Variants in VWA8 observed in about 807,000 individuals in gnomAD.
VWA8 encodes the protein von Willebrand factor A domain containing 8.
In VWA8, 221 loss-of-function variants were observed where a neutral mutation model predicts 241.5. That is an observed-to-expected ratio of 0.91 (90% CI 0.82 to 1.02). VWA8 has a LOEUF of 1.02. Ranked by LOEUF, VWA8 falls within the 50% of genes least tolerant of loss-of-function variation. The pLI, the probability that VWA8 is intolerant of heterozygous loss-of-function variation, is 0.00. For synonymous variants in VWA8, 852 were observed against 827.1 expected (o/e 1.03, Z -0.52); for missense variants, 2,322 against 2,328.7 (o/e 1.00, Z 0.06).
At chr13:41,583,674 A>AGAATCTATAAG (rs1351235864) in intron 42 of VWA8, among the ~76,000 whole-genome samples, 2 of 151,594 alleles carry the variant, frequency 1.3e-5, no homozygotes, top group African/African-American at 2.4e-5. Flanking sequence ...AAACAAAAAA[A>AGAATCTATAAG]GAATCTATAA....
At chr13:41,619,818 G>A (rs2044645203) in intron 37 of VWA8, among the ~76,000 whole-genome samples, 1 of 152,158 alleles carries the variant, frequency 6.6e-6, no homozygotes, top group Non-Finnish European at 1.5e-5. Flanking sequence ...CAGGGATGAA[G>A]CCAACTTGAT....
chr13:41,761,580 T>C (rs1293165877), intron 20 of VWA8, among the ~76,000 whole-genome samples: 2 of 152,086 alleles, frequency 1.3e-5, no homozygotes, highest in East Asian at 1.9e-4. Flanking sequence ...TATAAAACAA[T>C]GGTTTTTCTA....
At chr13:41,951,633 T>C (rs371621938) in intron 1 of VWA8, among the ~76,000 whole-genome samples, 2 of 152,344 alleles carry the variant, frequency 1.3e-5, no homozygotes, top group Middle Eastern at 3.4e-3. Flanking sequence ...GAATTTCATT[T>C]GGAAAGGGCT....
chr13:41,867,936 A>G (rs1873389127), intron 10 of VWA8, among the ~76,000 whole-genome samples: 1 of 152,198 alleles, frequency 6.6e-6, no homozygotes, highest in Non-Finnish European at 1.5e-5. Flanking sequence ...TCTATGACCA[A>G]ATATTATTTC....
chr13:41,684,895 A>T, intron 35 of VWA8, 152 bp downstream of exon 35: 1 of 681,612 alleles, frequency 1.5e-6, no homozygotes. Flanking sequence ...AACTTTCTGA[A>T]TACGGAGAGG....
chr13:41,796,577 A>G (rs979529802), intron 17 of VWA8, among the ~76,000 whole-genome samples: 2 of 152,040 alleles, frequency 1.3e-5, no homozygotes, highest in African/African-American at 2.4e-5. Context: ...GGCTTTATCT[A>G]TTAATATTTT....
intron 37 of VWA8, among the ~76,000 whole-genome samples, chr13:41,624,312 T>A (rs984503466): frequency 1.3e-5 from 2 of 152,180 alleles, no homozygotes; most frequent in Admixed American, 6.5e-5. Flanking sequence ...AACTTCTCCC[T>A]AACTCAATCT....
chr13:41,582,748 C>G (rs1183404536), intron 42 of VWA8, among the ~76,000 whole-genome samples: 1 of 151,944 alleles, frequency 6.6e-6, no homozygotes, highest in Non-Finnish European at 1.5e-5. Flanking sequence ...TGATACAGAA[C>G]AGAATGCATG....
At chr13:41,738,278 C>CA (rs1183444848) in intron 21 of VWA8, among the ~76,000 whole-genome samples, 1 of 151,896 alleles carries the variant, frequency 6.6e-6, no homozygotes, top group Admixed American at 6.6e-5. Context: ...TGCTCAGATG[C>CA]AAAAAATCCT....
intron 19 of VWA8, among the ~76,000 whole-genome samples, chr13:41,782,624 T>C (rs776225218): frequency 1.6e-4 from 24 of 152,138 alleles, no homozygotes; most frequent in Non-Finnish European, 2.6e-4. Flanking sequence ...AAGGTTATGC[T>C]CTTTTCTACG....
intron 2 of VWA8, chr13:41,927,211 T>C (rs1876888083): frequency 4.2e-6 from 2 of 473,536 alleles, no homozygotes; most frequent in Non-Finnish European, 8.6e-6. Flanking sequence ...GGCATGGGCA[T>C]TGACCAAGTC....
chr13:41,775,715 AAG>A (rs1174768166), intron 20 of VWA8, among the ~76,000 whole-genome samples: 1 of 152,154 alleles, frequency 6.6e-6, no homozygotes. Context: ...CTGGAAACAA[AAG>A]AGAGATAGCA....
At chr13:41,847,149 T>G (rs1342656392) in intron 12 of VWA8, among the ~76,000 whole-genome samples, 1 of 152,062 alleles carries the variant, frequency 6.6e-6, no homozygotes, top group Non-Finnish European at 1.5e-5. Flanking sequence ...TTTCAGGTGC[T>G]GAGAATTCAG....
chr13:41,675,277 T>C lies in VWA8; in HGVS notation c.4347A>G (p.Thr1449=). 1 of 1,613,018 alleles carries C rather than the reference T, an allele frequency of 6.2e-7. No individual in the cohort carries two copies. The highest frequency in any genetic ancestry group is 1.3e-5 in the African/African-American group (1 of 75,010). ...GATCAGTGACTTCTATATAACCAGA[T>C]GTTTGTGGAGGAGTAACATCTACAA... The part of the protein sequence containing the change: ...IYPKDVTPPQ[T]SGYIEVTDLQ... The change falls in exon 36 of 45, where the codon ACA becomes ACG. Residue 1449 remains threonine (T), a synonymous_variant. Coordinates refer to ENST00000379310, the MANE Select transcript of VWA8 (RefSeq NM_015058.2).
rs114498374 is a variant in VWA8, at chr13:41,751,625, T to C, written c.2426+9503A>G. On this transcript the variant is annotated intron_variant, in intron 21 of 44. Transcript: ENST00000379310. ...GGAGAGCCTCATATATTGAATTATG[T>C]TGTGCTTTGTAAAGCATGTCATCAT... Among the ~76,000 whole-genome samples the C allele has an allele frequency of 2.4e-3, 363 of 152,258 alleles. 1 individual carries two copies. The highest frequency in any genetic ancestry group is 8.4e-3 in the African/African-American group (347 of 41,540).
intron 36 of VWA8, 38 bp from the exon 37 acceptor site, chr13:41,671,185 A>G (rs1384693254): frequency 1.2e-6 from 2 of 1,606,132 alleles, no homozygotes; most frequent in Non-Finnish European, 1.7e-6. Flanking sequence ...AGAGACCACA[A>G]AAATAAAGCA....
At chr13:41,938,852 T>C (rs948399764) in intron 2 of VWA8, among the ~76,000 whole-genome samples, 4 of 152,238 alleles carry the variant, frequency 2.6e-5, no homozygotes, top group Non-Finnish European at 4.4e-5. Context: ...TTTTTGTCAC[T>C]AATTCACTAA....
intron 16 of VWA8, among the ~76,000 whole-genome samples, chr13:41,813,252 A>G (rs1451962683): frequency 6.6e-6 from 1 of 152,190 alleles, no homozygotes; most frequent in African/African-American, 2.4e-5. Context: ...AAGGACAGAG[A>G]GAACTGAGAC....
At chr13:41,719,266 C>T (rs936317019) in intron 26 of VWA8, 13 of 830,982 alleles carry the variant, frequency 1.6e-5, no homozygotes, top group East Asian at 9.6e-5. Flanking sequence ...TTTTCATGCT[C>T]GTACAATGAT....
Sources: gnomAD v4.1 joint callset for allele counts (sites outside exome capture counted in the v4.1 genomes callset) on GRCh38, gnomAD v4.1.1 for gene constraint, MANE v1.5 for transcripts, NCBI Gene and HGNC (gene_info 2026-07-23, HGNC 2026-07-21) for gene names.